The following PREP variants were observed in gnomAD, a reference collection of about 807,000 sequenced individuals.
PREP encodes dJ355L5.1 (prolyl endopeptidase).
A neutral mutation model predicts 87.6 loss-of-function variants in PREP; 29 were observed. That is an observed-to-expected ratio of 0.33 (90% CI 0.25 to 0.45). The LOEUF (loss-of-function observed/expected upper bound fraction) is 0.45, where lower values mean the gene tolerates loss of function less well. Ranked by LOEUF, PREP falls within the 20% of genes least tolerant of loss-of-function variation. The pLI, the probability that PREP is intolerant of heterozygous loss-of-function variation, is 1.00. For synonymous variants in PREP, 337 were observed against 328.6 expected (o/e 1.03, Z -0.28); for missense variants, 695 against 886.5 (o/e 0.78, Z 2.74).
Position 105,278,521 on chromosome 6 carries a change from TGAGG to T in PREP, c.1839-87_1839-84del. 3 of 1,387,830 alleles carry T rather than the reference TGAGG, an allele frequency of 2.2e-6. No homozygotes were observed. The highest frequency in any genetic ancestry group is 3.0e-6 in the Non-Finnish European group (3 of 1,005,234). The allele number at this position is 1,387,830 out of a possible 1,614,324, so 86.0% of individuals were successfully genotyped here. A position where few individuals can be genotyped will look rare whatever the true frequency, so the allele number is the denominator to read the frequency against. On this transcript the variant is annotated intron_variant, in intron 14 of 14. Coordinates refer to ENST00000652536, the MANE Select transcript of PREP (RefSeq NM_002726.5). The surrounding 1 kb of genome is among the most constrained non-coding windows in gnomAD (Gnocchi z 4.2). ...AGGGACCTAGGTAGTTAATTAGCAG[TGAGG>T]ACTGCAGTTAACTAGTACGTGAGTG...
intron 2 of PREP, among the ~76,000 whole-genome samples, chr6:105,378,584 G>T (rs1315592206): frequency 6.6e-6 from 1 of 152,162 alleles, no homozygotes; most frequent in Non-Finnish European, 1.5e-5. Context: ...AGGAAAAGGG[G>T]CTTTTACAAA....
chr6:105,280,851 G>A (rs911467155), intron 14 of PREP: 3 of 152,242 alleles, frequency 2.0e-5, no homozygotes, highest in Non-Finnish European at 4.4e-5. Context: ...TCACAGGTAT[G>A]AGCCACCATA....
At chr6:105,397,424 A>G (rs2114737723) in intron 2 of PREP, among the ~76,000 whole-genome samples, 1 of 152,306 alleles carries the variant, frequency 6.6e-6, no homozygotes, top group South Asian at 2.1e-4. Flanking sequence ...TGACATCAAT[A>G]AGCAATTTAA....
chr6:105,278,043 A>T lies in PREP; in HGVS notation c.*101T>A, dbSNP rs937411442. 1.4e-6 allele frequency: 2 copies of T among 1,422,528 alleles called. No homozygotes were observed. Among genetic ancestry groups the T allele is most frequent in the African/African-American group, 2.9e-5 (2 of 69,680 alleles). 88.1% of individuals were successfully genotyped at this position (1,422,528 alleles called of 1,614,324 possible). ...ACTGTAGCCTGTGAGTGCAGGAATAATGTTCCCGTGGGGAAGCATTATGCC... is the reference window on the plus strand; with the variant it reads ...ACTGTAGCCTGTGAGTGCAGGAATATTGTTCCCGTGGGGAAGCATTATGCC... On this transcript the variant is annotated 3_prime_UTR_variant, in exon 15 of 15. Transcript: ENST00000652536. The surrounding 1 kb of genome is among the most constrained non-coding windows in gnomAD (Gnocchi z 4.2).
At chr6:105,356,774 T>C (rs1026128674) in intron 6 of PREP, among the ~76,000 whole-genome samples, 2 of 152,226 alleles carry the variant, frequency 1.3e-5, no homozygotes, top group Non-Finnish European at 2.9e-5. Flanking sequence ...CCTAGCTGTG[T>C]ACAGCAGGAG....
chr6:105,323,486 C>T (rs1269095159), intron 10 of PREP, among the ~76,000 whole-genome samples, 179 bp downstream of exon 10: 1 of 152,152 alleles, frequency 6.6e-6, no homozygotes, highest in Admixed American at 6.5e-5. Context: ...AGGGCAGCGA[C>T]TATGCCAGCT....
intron 10 of PREP, among the ~76,000 whole-genome samples, chr6:105,292,972 T>C (rs1162713383): frequency 6.6e-6 from 1 of 152,248 alleles, no homozygotes; most frequent in Non-Finnish European, 1.5e-5. Flanking sequence ...TGCTTTGCTA[T>C]GGATTTGGCT....
intron 10 of PREP, among the ~76,000 whole-genome samples, chr6:105,313,660 AC>A (rs555724915): frequency 1.1e-3 from 169 of 152,280 alleles, no homozygotes; most frequent in African/African-American, 4.0e-3. Flanking sequence ...TAGAAAAATC[AC>A]CTGCTTTTAT....
Position 105,278,656 on chromosome 6 carries a change from G to A in PREP, c.1839-218C>T, listed in dbSNP as rs1227787667. ...TATGTGGCTCCAACTTTGAAAGACT[G>A]TAGGAAGGAAGCTCACAGGTCTGTT... is the stretch of plus-strand genomic sequence containing the variant. On this transcript the variant is annotated intron_variant, in intron 14 of 14. Coordinates refer to ENST00000652536, the MANE Select transcript of PREP (RefSeq NM_002726.5). This position sits in a 1 kb window ranked among gnomAD's most constrained non-coding sequence, Gnocchi z 4.2. Among the ~76,000 whole-genome samples, 2 of 152,206 alleles carry A rather than the reference G, an allele frequency of 1.3e-5. No homozygotes were observed. Among genetic ancestry groups the A allele is most frequent in the Non-Finnish European group, 2.9e-5 (2 of 68,036 alleles).
chr6:105,279,335 T>C (rs1770020228), intron 14 of PREP, among the ~76,000 whole-genome samples: 1 of 152,148 alleles, frequency 6.6e-6, no homozygotes, highest in African/African-American at 2.4e-5. Flanking sequence ...TTGGGCTCAG[T>C]TTCCCACCAG....
chr6:105,278,289 C>T lies in PREP; in HGVS notation c.1988G>A (p.Ser663Asn), dbSNP rs377611251. 81 of 1,614,074 alleles carry T rather than the reference C, an allele frequency of 5.0e-5. No homozygotes were observed. The East Asian group carries it at 1.2e-3, about 24-fold the overall frequency. Reference sequence around the variant, plus strand: ...AAGCAGGGGGTTGCTTTGCTTCCTGCTGCGGCCCACGATGTACTGAAGGGT... The same window carrying T: ...AAGCAGGGGGTTGCTTTGCTTCCTGTTGCGGCCCACGATGTACTGAAGGGT... Reference protein sequence around the residue: ...IATLQYIVGRSRKQSNPLLIH... With the variant: ...IATLQYIVGRNRKQSNPLLIH... Residue 663 changes from serine (S) to asparagine (N), a missense_variant, in exon 15 of 15, where the codon AGC (serine) becomes AAC (asparagine). Physicochemically the swap from Ser to Asn is conservative, Grantham distance 46 (BLOSUM62 1). This residue lies in a region of PREP where 121 missense variants were observed against 154.8 expected (regional missense o/e 0.78). Coordinates refer to ENST00000652536, the MANE Select transcript of PREP (RefSeq NM_002726.5). The surrounding 1 kb of genome is among the most constrained non-coding windows in gnomAD (Gnocchi z 4.2).
chr6:105,287,285 T>A (rs1470055430), intron 11 of PREP, among the ~76,000 whole-genome samples: 2 of 152,162 alleles, frequency 1.3e-5, no homozygotes, highest in African/African-American at 4.8e-5. Context: ...GAAGTCCTCA[T>A]GTCTGGAATG....
chr6:105,341,717 A>G (rs1771655544), intron 7 of PREP, among the ~76,000 whole-genome samples: 1 of 152,226 alleles, frequency 6.6e-6, no homozygotes, highest in Non-Finnish European at 1.5e-5. Context: ...ATCACCACTG[A>G]TCCCACAGAA....
chr6:105,394,597 G>A lies in PREP; in HGVS notation c.120+3256C>T, dbSNP rs148370242. ...TCTAAGGGAAATAACTGAAAATTTG[G>A]TGAGTTCAGTAAGGGAACTAGGTAC... On this transcript the variant is annotated intron_variant, in intron 2 of 14. Transcript: ENST00000652536. 1.2e-3 allele frequency among the ~76,000 whole-genome samples: 180 copies of A among 152,274 alleles called. 1 individual carries two copies. Among genetic ancestry groups the A allele is most frequent in the African/African-American group, 4.3e-3 (177 of 41,556 alleles).
intron 10 of PREP, among the ~76,000 whole-genome samples, chr6:105,311,974 A>G (rs1770769220): frequency 6.6e-6 from 1 of 152,248 alleles, no homozygotes; most frequent in Non-Finnish European, 1.5e-5. Context: ...CTTAAACAAC[A>G]TGCCATCCAC....
In PREP at chr6:105,377,342, T is replaced by A. The variant is rs774333060; in HGVS notation, c.254+44A>T. On this transcript the variant is annotated intron_variant, in intron 3 of 14. Transcript: ENST00000652536. ...TTGTATTTTACAATTTAAGAAAGCA[T>A]TTACTTTGAAAATAAAAAGGAAATT... The A allele has an allele frequency of 3.7e-5, 58 of 1,558,362 alleles. 1 individual carries two copies. The highest frequency in any genetic ancestry group is 8.7e-7 in the Non-Finnish European group (1 of 1,150,610).
intron 10 of PREP, chr6:105,322,378 A>T (rs1268286704): frequency 5.2e-5 from 49 of 947,196 alleles, no homozygotes; most frequent in Admixed American, 6.2e-5. Flanking sequence ...ATCCTAAAAA[A>T]CAGATACTAT....
chr6:105,321,748 C>T (rs77275573), intron 10 of PREP, among the ~76,000 whole-genome samples: 161 of 152,200 alleles, frequency 1.1e-3, no homozygotes, highest in Non-Finnish European at 1.3e-3. Flanking sequence ...TCCCAGACTC[C>T]AAAGGCAATT....
intron 4 of PREP, among the ~76,000 whole-genome samples, chr6:105,375,505 CGGA>C (rs1772665737): frequency 6.6e-6 from 1 of 152,178 alleles, no homozygotes; most frequent in African/African-American, 2.4e-5. Flanking sequence ...CTATGGCCTA[CGGA>C]GGAGGTTATC....
Sources: allele counts gnomAD v4.1 joint callset (sites outside exome capture counted in the v4.1 genomes callset), GRCh38; gene constraint gnomAD v4.1.1; regional missense constraint gnomAD v4.1.1; non-coding constraint Gnocchi (gnomAD v3.1); transcripts MANE v1.5; gene names NCBI Gene and HGNC (gene_info 2026-07-23, HGNC 2026-07-21).